The following DROSHA variants were observed in gnomAD, a reference collection of about 807,000 sequenced individuals.
DROSHA encodes ribonuclease 3.
A neutral mutation model predicts 181.9 loss-of-function variants in DROSHA; 56 were observed. The observed-to-expected ratio is 0.31, with a 90% CI of 0.25 to 0.38. The LOEUF (loss-of-function observed/expected upper bound fraction) is 0.38, where lower values mean the gene tolerates loss of function less well. DROSHA is among the 10% of genes least tolerant of loss of function. The pLI, the probability that DROSHA is intolerant of heterozygous loss-of-function variation, is 1.00. For synonymous variants in DROSHA, 524 were observed against 591.2 expected (o/e 0.89, Z 1.65); for missense variants, 1,218 against 1,743.5 (o/e 0.70, Z 5.37).
intron 13 of DROSHA, among the ~76,000 whole-genome samples, chr5:31,492,648 T>C (rs1468664690): frequency 6.6e-6 from 1 of 152,244 alleles, no homozygotes; most frequent in Non-Finnish European, 1.5e-5. Context: ...AGCATGGAGA[T>C]GGAAAGATTT....
chr5:31,446,682 A>C (rs1746342129), intron 23 of DROSHA, among the ~76,000 whole-genome samples: 1 of 151,298 alleles, frequency 6.6e-6, no homozygotes, highest in South Asian at 2.1e-4. Flanking sequence ...TATTTAAAAA[A>C]AAAAAAAAAA....
Position 31,409,518 on chromosome 5 carries a change from T to A in DROSHA, c.3668-186A>T. 2 of 588,418 alleles carry A rather than the reference T, an allele frequency of 3.4e-6. No individual in the cohort carries two copies. The highest frequency in any genetic ancestry group is 3.0e-6 in the Non-Finnish European group (1 of 328,964). 36.4% of individuals were successfully genotyped at this position (588,418 alleles called of 1,614,324 possible). A position where few individuals can be genotyped will look rare whatever the true frequency, so the allele number is the denominator to read the frequency against. On this transcript the variant is annotated intron_variant, in intron 31 of 35. Coordinates refer to ENST00000344624, the MANE Select transcript of DROSHA (RefSeq NM_001382508.1). The surrounding 1 kb of genome is among the most constrained non-coding windows in gnomAD (Gnocchi z 4.0). ...TTAATATCAGAAGCAGCAAGAGATG[T>A]GTAAGATGCAAATCATAGAGTACAA...
chr5:31,441,061 A>AGG (rs1474286635), intron 23 of DROSHA, among the ~76,000 whole-genome samples: 1 of 152,046 alleles, frequency 6.6e-6, no homozygotes, highest in Non-Finnish European at 1.5e-5. Context: ...AAAAAGAGAG[A>AGG]GAGAAAGAGA....
chr5:31,496,894 T>C (rs543008255), intron 11 of DROSHA, among the ~76,000 whole-genome samples: 1 of 152,366 alleles, frequency 6.6e-6, no homozygotes, highest in Admixed American at 6.5e-5. Context: ...TCTAAATTTC[T>C]GGCCTTGACA....
At chr5:31,431,459 C>A (rs1744179132) in intron 26 of DROSHA, 117 bp downstream of exon 26, 4 of 911,762 alleles carry the variant, frequency 4.4e-6, no homozygotes, top group Admixed American at 2.4e-5. Context: ...GTCCTAGGAA[C>A]CTCATGTGCT....
intron 18 of DROSHA, chr5:31,467,001 A>G (rs1468013264): frequency 6.6e-6 from 1 of 151,562 alleles, no homozygotes; most frequent in African/African-American, 2.4e-5. Context: ...TTCTACTAAC[A>G]TTTTTCTGAC....
chr5:31,449,616 A>G, intron 21 of DROSHA, among the ~76,000 whole-genome samples, 197 bp from the exon 22 acceptor site: 1 of 152,090 alleles, frequency 6.6e-6, no homozygotes, highest in South Asian at 2.1e-4. Flanking sequence ...AGTCCCAGCT[A>G]CTCAAGAGGC....
rs375949381 is a variant in DROSHA, at chr5:31,495,351, T to C, written c.1690A>G (p.Met564Val). 50 of 1,613,744 alleles carry C rather than the reference T, an allele frequency of 3.1e-5. No individual in the cohort carries two copies. The highest frequency in any genetic ancestry group is 5.3e-5 in the African/African-American group (4 of 74,910). The change falls in exon 12 of 36, where the codon ATG (methionine) becomes GTG (valine). Residue 564 changes from methionine (M) to valine (V), a missense_variant. Coordinates refer to ENST00000344624, the MANE Select transcript of DROSHA (RefSeq NM_001382508.1). The part of the protein sequence containing the change: ...GEEAIKPCRP[M>V]TNNAGRLFHY... Reference sequence around the variant, plus strand: ...AAAAGTCTGCCAGCATTGTTGGTCATAGGACGACAGGGCTTGATGGCCTGA... The same window carrying C: ...AAAAGTCTGCCAGCATTGTTGGTCACAGGACGACAGGGCTTGATGGCCTGA...
chr5:31,441,371 A>T (rs893281245), intron 23 of DROSHA, among the ~76,000 whole-genome samples: 3 of 152,094 alleles, frequency 2.0e-5, no homozygotes, highest in Admixed American at 2.0e-4. Flanking sequence ...TGATTGTACC[A>T]TTGCACTCCA....
chr5:31,515,291 A>G, intron 7 of DROSHA, 72 bp from the exon 8 acceptor site: 2 of 1,489,492 alleles, frequency 1.3e-6, no homozygotes, highest in Non-Finnish European at 1.8e-6. Context: ...TATTTCACCT[A>G]TTTGGTGCAT....
chr5:31,516,280 C>T (rs1739264145), intron 6 of DROSHA, among the ~76,000 whole-genome samples: 1 of 152,152 alleles, frequency 6.6e-6, no homozygotes, highest in Non-Finnish European at 1.5e-5. Flanking sequence ...ACAAAACCTA[C>T]AGGGTAGATT....
In DROSHA at chr5:31,526,535, G is replaced by C; in HGVS notation, c.398C>G (p.Pro133Arg). Residue 133 changes from proline (P) to arginine (R), a missense_variant, in exon 5 of 36, where the codon CCT (proline) becomes CGT (arginine). Pro to Arg is a moderately radical substitution (Grantham distance 103). This residue lies in a region of DROSHA where 536 missense variants were observed against 535.4 expected (regional missense o/e 1.00). Transcript: ENST00000344624. ...PMPCPNNPPV[P>R]GAPPGQGTFP... ...AGTGCCTTGTCCAGGAGGTGCCCCA[G>C]GGACTGGGGGGTTATTAGGACAAGG... The C allele has an allele frequency of 6.4e-7, 1 of 1,557,048 alleles. No individual in the cohort carries two copies. Among genetic ancestry groups the C allele is most frequent in the Non-Finnish European group, 8.7e-7 (1 of 1,151,914 alleles).
intron 31 of DROSHA, among the ~76,000 whole-genome samples, chr5:31,410,370 T>C (rs1179587744): frequency 6.6e-6 from 1 of 152,216 alleles, no homozygotes; most frequent in Non-Finnish European, 1.5e-5. Context: ...CAGTATTTAG[T>C]GAATAAATTA....
Position 31,405,658 on chromosome 5 carries a change from GA to G in DROSHA, c.3994+18del, listed in dbSNP as rs534741334. Reference sequence around the variant, plus strand: ...TCATTACATTATGAACATAATTATAGAAAAAAAAACAGGCTTACATTTTTCA... The same window carrying G: ...TCATTACATTATGAACATAATTATAGAAAAAAAACAGGCTTACATTTTTCA... On this transcript the variant is annotated intron_variant, in intron 35 of 35. Transcript: ENST00000344624. 5.9e-5 allele frequency: 86 copies of G among 1,447,850 alleles called. No homozygotes were observed. The highest frequency in any genetic ancestry group is 6.5e-5 in the South Asian group (5 of 76,350). The allele number at this position is 1,447,850 out of a possible 1,614,324, so 89.7% of individuals were successfully genotyped here.
chr5:31,415,659 C>T (rs1741858018), intron 30 of DROSHA, among the ~76,000 whole-genome samples: 1 of 152,192 alleles, frequency 6.6e-6, no homozygotes. Flanking sequence ...GTAGGTTCAT[C>T]ACCGCTATAG....
chr5:31,447,864 A>C (rs938548638), intron 23 of DROSHA, among the ~76,000 whole-genome samples: 3 of 152,206 alleles, frequency 2.0e-5, no homozygotes, highest in Non-Finnish European at 2.9e-5. Flanking sequence ...ACAAGTGTTG[A>C]CAAAAATGTG....
chr5:31,508,917 A>C, intron 9 of DROSHA, 142 bp from the exon 10 acceptor site: 1 of 941,182 alleles, frequency 1.1e-6, no homozygotes, highest in Non-Finnish European at 1.5e-6. Context: ...CCACCTCCCG[A>C]GTTCAAGTGA....
intron 23 of DROSHA, among the ~76,000 whole-genome samples, chr5:31,440,112 C>T (rs1238176502): frequency 6.6e-6 from 1 of 152,100 alleles, no homozygotes; most frequent in Admixed American, 6.5e-5. Flanking sequence ...ACCTGCACAA[C>T]TGTACCATGC....
In DROSHA at chr5:31,464,291, A is replaced by G. The variant is rs774124987; in HGVS notation, c.2519T>C (p.Val840Ala). 1 of 1,613,248 alleles carries G rather than the reference A, an allele frequency of 6.2e-7. No homozygotes were observed. Among genetic ancestry groups the G allele is most frequent in the African/African-American group, 1.3e-5 (1 of 74,792 alleles). The change falls in exon 20 of 36, where the codon GTG (valine) becomes GCG (alanine). Residue 840 changes from valine to alanine, a missense_variant. Physicochemically the swap from Val to Ala is moderately conservative, Grantham distance 64. Coordinates refer to ENST00000344624, the MANE Select transcript of DROSHA (RefSeq NM_001382508.1). ...CCAGAATCCTTGGCTACTTAGCTCC[A>G]CCGTTACTTCTCGTCTCATTGTATT... ...QKNTMRREVTVELSSQGFWKT... is the reference protein window; with the variant it reads ...QKNTMRREVTAELSSQGFWKT...
Sources: gnomAD v4.1 joint callset for allele counts (sites outside exome capture counted in the v4.1 genomes callset) on GRCh38, gnomAD v4.1.1 for gene constraint, gnomAD v4.1.1 regional missense constraint, Gnocchi (gnomAD v3.1) non-coding constraint, MANE v1.5 for transcripts, NCBI Gene and HGNC (gene_info 2026-07-23, HGNC 2026-07-21) for gene names.